Variants in TF observed in about 807,000 individuals in gnomAD.
TF encodes transferrin, also known as serotransferrin.
TF carries 55 observed loss-of-function variants against 82.4 expected under a neutral mutation model. The observed-to-expected ratio is 0.67, with a 90% CI of 0.54 to 0.84. The LOEUF (loss-of-function observed/expected upper bound fraction) is 0.84. TF is among the 40% of genes least tolerant of loss of function. The probability of loss-of-function intolerance (pLI) is 0.00; values close to 1 mark genes in which losing one functional copy is unlikely to be tolerated. For missense variants in TF, 737 were observed against 868.4 expected, an observed-to-expected ratio of 0.85 and a Z score of 1.90; for synonymous variants, 332 against 332.6, an observed-to-expected ratio of 1.00 and a Z score of 0.02.
At chr3:133,712,062 G>A in the TF span, among the ~76,000 whole-genome samples, 4 of 152,062 alleles carry the variant, frequency 2.6e-5, no homozygotes, top group Admixed American at 2.6e-4. Context: ...GGCTGCAAGG[G>A]GCTCTTTTAT....
the TF span, among the ~76,000 whole-genome samples, chr3:133,730,926 C>T: frequency 6.6e-6 from 1 of 152,140 alleles, no homozygotes; most frequent in Non-Finnish European, 1.5e-5. Context: ...TTAAATTGTA[C>T]ATGTATACAC....
At chr3:133,732,980 A>C in the TF span, among the ~76,000 whole-genome samples, 4 of 152,206 alleles carry the variant, frequency 2.6e-5, no homozygotes, top group Admixed American at 2.0e-4. Flanking sequence ...AACCAGGGCC[A>C]GGATCTTCTC....
intron 9 of TF, among the ~76,000 whole-genome samples, chr3:133,763,192 A>C (rs1934038873): frequency 6.6e-6 from 1 of 152,056 alleles, no homozygotes; most frequent in South Asian, 2.1e-4. Context: ...GTGTAGAGGG[A>C]GTTATGGAAA....
intron 14 of TF, among the ~76,000 whole-genome samples, chr3:133,771,719 G>T (rs1934262310): frequency 1.7e-5 from 2 of 119,514 alleles, no homozygotes; most frequent in African/African-American, 3.9e-5. Flanking sequence ...AGTCCGGCCT[G>T]GGCGACAGAG....
the TF span, among the ~76,000 whole-genome samples, chr3:133,740,986 A>ATTTTTTTT: frequency 1.7e-4 from 8 of 47,480 alleles, no homozygotes; most frequent in Admixed American, 3.4e-4. Context: ...ATCCAGCTCT[A>ATTTTTTTT]TTTTTTTTTT....
the TF span, chr3:133,701,280 T>A: frequency 6.6e-6 from 1 of 152,208 alleles, no homozygotes; most frequent in Non-Finnish European, 1.5e-5. Flanking sequence ...TTGCCCTGGC[T>A]CCTTTTTATT....
the TF span, among the ~76,000 whole-genome samples, chr3:133,679,377 G>A: frequency 2.0e-5 from 3 of 152,124 alleles, no homozygotes; most frequent in African/African-American, 7.2e-5. Flanking sequence ...TATGCACTCA[G>A]TTAAAGTATA....
chr3:133,708,078 T>G, the TF span, among the ~76,000 whole-genome samples: 1 of 152,150 alleles, frequency 6.6e-6, no homozygotes, highest in African/African-American at 2.4e-5. Context: ...ACAGAAAAAC[T>G]TAAACAAGTG....
At chr3:133,680,245 G>T in the TF span, among the ~76,000 whole-genome samples, 1 of 148,980 alleles carries the variant, frequency 6.7e-6, no homozygotes, top group African/African-American at 2.5e-5. Context: ...TCCCTCTGTT[G>T]CCCAGGCTGG....
At chr3:133,733,882 C>T in the TF span, among the ~76,000 whole-genome samples, 2 of 145,560 alleles carry the variant, frequency 1.4e-5, no homozygotes, top group African/African-American at 5.1e-5. Context: ...AAAAAAAAAA[C>T]ATGTATTTAT....
At position 133,788,781 on chromosome 3, in the gene TF, G is replaced by C. The variant is rs1006919614; in HGVS notation, c.*10161G>C. On this transcript the variant is annotated 3_prime_UTR_variant, in exon 17 of 17. Transcript: ENST00000402696. ...GTTGTGGTCCCTGATTCCTATGTGTGGCGCAGCTCAGGGCAAACTTGCAGC... is the reference window on the plus strand; with the variant it reads ...GTTGTGGTCCCTGATTCCTATGTGTCGCGCAGCTCAGGGCAAACTTGCAGC... 6.6e-6 allele frequency: 1 copy of C among 152,196 alleles called. No individual in the cohort carries two copies. The highest frequency in any genetic ancestry group is 1.5e-5 in the Non-Finnish European group (1 of 68,082). The allele number at this position is 152,196 out of a possible 1,614,324, so 9.4% of individuals were successfully genotyped here.
In TF at chr3:133,780,353, T is replaced by A. The variant is rs769205174; in HGVS notation, c.*1733T>A. 6.6e-6 allele frequency: 1 copy of A among 152,176 alleles called. No individual in the cohort carries two copies. Among genetic ancestry groups the A allele is most frequent in the Non-Finnish European group, 1.5e-5 (1 of 68,024 alleles). The allele number at this position is 152,176 out of a possible 1,614,324, so 9.4% of individuals were successfully genotyped here. On this transcript the variant is annotated 3_prime_UTR_variant, in exon 17 of 17. Coordinates refer to ENST00000402696, the MANE Select transcript of TF (RefSeq NM_001063.4). ...TTGCAATGGATCAATAAACCTAATT[T>A]TATTACACTACAGGTATATTCCTGG...
At chr3:133,679,701 C>T in the TF span, among the ~76,000 whole-genome samples, 1 of 149,230 alleles carries the variant, frequency 6.7e-6, no homozygotes, top group Admixed American at 6.8e-5. Flanking sequence ...ACAGCTTATT[C>T]ACCCATTCAC....
chr3:133,757,116 C>A, intron 7 of TF, 107 bp downstream of exon 7: 1 of 1,423,514 alleles, frequency 7.0e-7, no homozygotes, highest in Non-Finnish European at 9.8e-7. Flanking sequence ...GTTCAGGATA[C>A]AGTGGGAGCC....
chr3:133,729,012 G>A, the TF span, among the ~76,000 whole-genome samples: 4 of 152,176 alleles, frequency 2.6e-5, no homozygotes, highest in Non-Finnish European at 5.9e-5. Context: ...CGTTCCTCTG[G>A]AAGTTTTGTC....
At chr3:133,689,723 A>G in the TF span, among the ~76,000 whole-genome samples, 2 of 152,322 alleles carry the variant, frequency 1.3e-5, no homozygotes, top group East Asian at 3.9e-4. Flanking sequence ...ATACATTGTC[A>G]GCTTTCTGTA....
intron 8 of TF, 101 bp from the exon 9 acceptor site, chr3:133,759,074 T>C (rs575052571): frequency 1.4e-6 from 2 of 1,473,014 alleles, no homozygotes; most frequent in African/African-American, 1.4e-5. Context: ...TGTTTATTGC[T>C]GGCAAATCCC....
At chr3:133,715,708 A>G in the TF span, among the ~76,000 whole-genome samples, 3 of 152,106 alleles carry the variant, frequency 2.0e-5, no homozygotes, top group African/African-American at 7.2e-5. Context: ...CAGGCCCCAA[A>G]CTGCCAACAT....
At chr3:133,753,729 A>G in intron 3 of TF, 26 bp downstream of exon 3, 1 of 1,576,274 alleles carries the variant, frequency 6.3e-7, no homozygotes, top group Admixed American at 1.7e-5. Context: ...GACCCCAGGA[A>G]GGAGTTGTCA....
Sources: gnomAD v4.1 joint callset for allele counts (sites outside exome capture counted in the v4.1 genomes callset) on GRCh38, gnomAD v4.1.1 for gene constraint, MANE v1.5 for transcripts, NCBI Gene and HGNC (gene_info 2026-07-23, HGNC 2026-07-21) for gene names.